The following PPP2R2B variants were observed in gnomAD, a reference collection of about 807,000 sequenced individuals.
PPP2R2B encodes serine/threonine-protein phosphatase 2A 55 kDa regulatory subunit B beta isoform.
A neutral mutation model predicts 46.0 loss-of-function variants in PPP2R2B; 5 were observed. The ratio of observed to expected loss-of-function variants is 0.11; its 90% CI spans 0.06 to 0.23. The LOEUF is 0.23. Among genes scored for constraint, PPP2R2B ranks in the 10% least tolerant of loss-of-function variants. The pLI is 1.00. For missense variants in PPP2R2B, 367 were observed against 575.0 expected, an observed-to-expected ratio of 0.64 and a Z score of 3.70; for synonymous variants, 215 against 206.7, an observed-to-expected ratio of 1.04 and a Z score of -0.34.
intron 1 of PPP2R2B, among the ~76,000 whole-genome samples, chr5:147,053,199 A>G (rs1050824774): frequency 6.7e-5 from 10 of 148,510 alleles, no homozygotes; most frequent in African/African-American, 2.2e-4. Context: ...TTCAAAACCT[A>G]TGGCCTTCCT....
intron 5 of PPP2R2B, among the ~76,000 whole-genome samples, chr5:146,670,100 C>T (rs1777250767): frequency 6.6e-6 from 1 of 152,138 alleles, no homozygotes; most frequent in African/African-American, 2.4e-5. Flanking sequence ...CATAAGCAGG[C>T]AAAAACTCAG....
chr5:146,714,773 T>C (rs932411185), intron 2 of PPP2R2B, among the ~76,000 whole-genome samples: 1 of 151,826 alleles, frequency 6.6e-6, no homozygotes, highest in African/African-American at 2.4e-5. Flanking sequence ...CAGAGATCCA[T>C]GTGATTGCTA....
chr5:146,583,067 A>G lies in PPP2R2B; in HGVS notation c.*6880T>C, dbSNP rs572180424. 6.6e-6 allele frequency: 1 copy of G among 152,222 alleles called. No homozygotes were observed. The highest frequency in any genetic ancestry group is 1.9e-4 in the East Asian group (1 of 5,180). 9.4% of individuals were successfully genotyped at this position (152,222 alleles called of 1,614,324 possible). A position where few individuals can be genotyped will look rare whatever the true frequency, so the allele number is the denominator to read the frequency against. On this transcript the variant is annotated 3_prime_UTR_variant, in exon 10 of 10. Transcript: ENST00000394411. ...TAATCAGTCATACCAGAGTGTTGTG[A>G]ATTCCATATATATATAGCATATGCT...
chr5:146,894,835 C>T (rs1443686516), intron 1 of PPP2R2B, among the ~76,000 whole-genome samples: 1 of 152,158 alleles, frequency 6.6e-6, no homozygotes, highest in East Asian at 1.9e-4. Context: ...AAATGTAGGT[C>T]AAGGATAGTG....
At chr5:147,081,199 C>T in intron 1 of PPP2R2B, 4 of 1,535,226 alleles carry the variant, frequency 2.6e-6, no homozygotes, top group Non-Finnish European at 3.5e-6. Context: ...CTTAAGAGAC[C>T]AACAAGAAAA....
At chr5:146,779,403 G>A (rs763737705) in intron 2 of PPP2R2B, among the ~76,000 whole-genome samples, 3 of 152,120 alleles carry the variant, frequency 2.0e-5, no homozygotes, top group Admixed American at 6.5e-5. Context: ...ACAGTGAGGC[G>A]TGCGATTGGC....
At chr5:147,007,678 G>A (rs1182484908) in intron 1 of PPP2R2B, among the ~76,000 whole-genome samples, 1 of 152,186 alleles carries the variant, frequency 6.6e-6, no homozygotes, top group Non-Finnish European at 1.5e-5. Context: ...GCGAAGGTCT[G>A]TGGCTTCACT....
intron 8 of PPP2R2B, 123 bp from the exon 9 acceptor site, chr5:146,593,185 G>C: frequency 1.1e-6 from 1 of 873,870 alleles, no homozygotes; most frequent in East Asian, 2.5e-5. Flanking sequence ...GAATCAGATG[G>C]CCTTGGATCT....
At chr5:146,909,872 C>CA (rs2151804501) in intron 1 of PPP2R2B, among the ~76,000 whole-genome samples, 1 of 152,290 alleles carries the variant, frequency 6.6e-6, no homozygotes, top group African/African-American at 2.4e-5. Flanking sequence ...TACCATCCCA[C>CA]AAAAAAGCCC....
intron 1 of PPP2R2B, among the ~76,000 whole-genome samples, chr5:146,990,860 CA>C (rs530115138): frequency 3.6e-4 from 55 of 150,994 alleles, no homozygotes; most frequent in African/African-American, 1.3e-3. Context: ...GATTCAATAG[CA>C]AAAAAAGAAA....
chr5:146,894,078 A>G, intron 1 of PPP2R2B, among the ~76,000 whole-genome samples: 1 of 152,110 alleles, frequency 6.6e-6, no homozygotes, highest in East Asian at 1.9e-4. Flanking sequence ...CAATCTGTCC[A>G]TATCTATCCA....
At chr5:147,064,969 A>C (rs957676422) in intron 2 of PPP2R2B, among the ~76,000 whole-genome samples, 1 of 152,184 alleles carries the variant, frequency 6.6e-6, no homozygotes, top group African/African-American at 2.4e-5. Flanking sequence ...GTATTCTTTC[A>C]TTTACTTAAT....
rs1316710721 is a variant in PPP2R2B at position 146,586,002 on chromosome 5, T to C, written c.*3945A>G. The C allele has an allele frequency of 6.6e-6, 1 of 152,128 alleles. No homozygotes were observed. Among genetic ancestry groups the C allele is most frequent in the Non-Finnish European group, 1.5e-5 (1 of 68,044 alleles). The allele number at this position is 152,128 out of a possible 1,614,324, so 9.4% of individuals were successfully genotyped here. A position where few individuals can be genotyped will look rare whatever the true frequency, so the allele number is the denominator to read the frequency against. ...GGTTGGTTGCTCCCTTGGAAAGCAG[T>C]CCCTGAGAGTTGACTTAGAAGTTCA... On this transcript the variant is annotated 3_prime_UTR_variant, in exon 10 of 10. Transcript: ENST00000394411.
intron 1 of PPP2R2B, among the ~76,000 whole-genome samples, chr5:146,893,485 G>A (rs1762550863): frequency 6.6e-6 from 1 of 152,104 alleles, no homozygotes; most frequent in Admixed American, 6.6e-5. Context: ...ATCCAGTCAG[G>A]TGTCATGTCC....
At chr5:146,892,516 A>T (rs1400154041) in intron 1 of PPP2R2B, among the ~76,000 whole-genome samples, 1 of 152,118 alleles carries the variant, frequency 6.6e-6, no homozygotes, top group Non-Finnish European at 1.5e-5. Context: ...CTTAGCATAT[A>T]TGATTTTTCT....
At chr5:147,049,782 C>G (rs1756714080) in intron 1 of PPP2R2B, among the ~76,000 whole-genome samples, 1 of 152,180 alleles carries the variant, frequency 6.6e-6, no homozygotes, top group Non-Finnish European at 1.5e-5. Flanking sequence ...CATGACTGGA[C>G]TCTGCAATGT....
chr5:146,672,816 T>C (rs1000240001), intron 5 of PPP2R2B, among the ~76,000 whole-genome samples: 7 of 152,234 alleles, frequency 4.6e-5, no homozygotes, highest in Admixed American at 3.3e-4. Context: ...ACGATTTATT[T>C]TTTCCTTCAC....
intron 2 of PPP2R2B, among the ~76,000 whole-genome samples, chr5:146,803,262 G>C (rs532370323): frequency 1.1e-4 from 16 of 152,222 alleles, no homozygotes; most frequent in Middle Eastern, 3.4e-3. Context: ...GTATTTCTCA[G>C]TGCTGCCTGA....
chr5:146,671,790 C>T (rs906148150), intron 5 of PPP2R2B, among the ~76,000 whole-genome samples: 1 of 152,186 alleles, frequency 6.6e-6, no homozygotes, highest in African/African-American at 2.4e-5. Flanking sequence ...GTATTACCTG[C>T]TATTGCTATT....
Sources: allele counts gnomAD v4.1 joint callset (sites outside exome capture counted in the v4.1 genomes callset), GRCh38; gene constraint gnomAD v4.1.1; transcripts MANE v1.5; gene names NCBI Gene and HGNC (gene_info 2026-07-23, HGNC 2026-07-21).